Variants in CCDC158 observed in about 807,000 individuals in gnomAD.
CCDC158 encodes the protein coiled-coil domain containing 158.
A neutral mutation model predicts 138.6 loss-of-function variants in CCDC158; 116 were observed. The observed-to-expected ratio is 0.84, with a 90% CI of 0.72 to 0.98. The LOEUF is 0.98. CCDC158 is among the 50% of genes least tolerant of loss of function. CCDC158 has a pLI of 0.00. For synonymous variants in CCDC158, 436 were observed against 442.4 expected (o/e 0.99, Z 0.18); for missense variants, 1,265 against 1,306.1 (o/e 0.97, Z 0.48).
At chr4:76,315,003 G>T (rs1719237074) in intron 24 of CCDC158, among the ~76,000 whole-genome samples, 1 of 152,174 alleles carries the variant, frequency 6.6e-6, no homozygotes, top group Admixed American at 6.5e-5. Flanking sequence ...CAGTGGGGAA[G>T]TTTATAGCAC....
intron 24 of CCDC158, among the ~76,000 whole-genome samples, chr4:76,322,277 C>A (rs1340148046): frequency 2.6e-5 from 4 of 152,118 alleles, no homozygotes; most frequent in African/African-American, 9.7e-5. Context: ...TTTGCTAAAG[C>A]CTTACTATAT....
At chr4:76,396,127 G>A (rs1727756821) in intron 4 of CCDC158, 142 bp downstream of exon 4, 1 of 501,678 alleles carries the variant, frequency 2.0e-6, no homozygotes, top group Non-Finnish European at 3.4e-6. Flanking sequence ...AGAAGGCACA[G>A]GTCAAATTAA....
At chr4:76,378,879 A>C (rs1725962353) in intron 9 of CCDC158, among the ~76,000 whole-genome samples, 1 of 152,202 alleles carries the variant, frequency 6.6e-6, no homozygotes, top group African/African-American at 2.4e-5. Context: ...ATTAATCTTA[A>C]CATTAATTCA....
intron 8 of CCDC158, 122 bp from the exon 9 acceptor site, chr4:76,379,526 G>T: frequency 2.1e-6 from 1 of 477,594 alleles, no homozygotes; most frequent in Non-Finnish European, 3.6e-6. Context: ...TAAGCCAATA[G>T]TCTTTTATTT....
At chr4:76,320,228 C>T (rs1426214092) in intron 24 of CCDC158, among the ~76,000 whole-genome samples, 1 of 152,124 alleles carries the variant, frequency 6.6e-6, no homozygotes, top group Non-Finnish European at 1.5e-5. Flanking sequence ...GGGAATATAC[C>T]TAACCAAGGA....
At chr4:76,376,088 T>C (rs1341670884) in intron 9 of CCDC158, among the ~76,000 whole-genome samples, 5 of 151,760 alleles carry the variant, frequency 3.3e-5, no homozygotes, top group Non-Finnish European at 7.4e-5. Context: ...AGGGTCACCC[T>C]CTATTGCCCA....
intron 18 of CCDC158, chr4:76,345,395 G>A (rs926286400): frequency 1.0e-6 from 1 of 968,844 alleles, no homozygotes; most frequent in Non-Finnish European, 1.7e-6. Context: ...AATTGGCTGA[G>A]GCACACCAGC....
chr4:76,352,895 T>C, intron 16 of CCDC158: 2 of 403,320 alleles, frequency 5.0e-6, no homozygotes, highest in Non-Finnish European at 8.7e-6. Context: ...TGTGACTATG[T>C]TAGCCTGAAA....
chr4:76,323,489 C>A, intron 23 of CCDC158, 80 bp from the exon 24 acceptor site: 1 of 1,111,232 alleles, frequency 9.0e-7, no homozygotes, highest in Non-Finnish European at 1.3e-6. Flanking sequence ...AAAGGCTAAA[C>A]AATTTTTCTT....
Position 76,334,045 on chromosome 4 carries a change from A to G in CCDC158, c.2787T>C (p.Asp929=), listed in dbSNP as rs1721242386. ...PAVSLSKTEE[D]GRTSLGALYV... is the part of the protein sequence containing the mutation. ...ACAAGGCTCCCAGAGATGTTCTTCC[A>G]TCTTCCTCTGTCTTGCTCAGAGACA... The change falls in exon 19 of 25, where the codon GAT becomes GAC. Residue 929 remains aspartate (D), a synonymous_variant. Transcript: ENST00000682701. The G allele has an allele frequency of 1.2e-6, 2 of 1,613,244 alleles. No homozygotes were observed. Among genetic ancestry groups the G allele is most frequent in the Non-Finnish European group, 8.5e-7 (1 of 1,179,462 alleles).
chr4:76,394,552 C>T (rs545746604), intron 4 of CCDC158, among the ~76,000 whole-genome samples: 4 of 151,924 alleles, frequency 2.6e-5, no homozygotes, highest in African/African-American at 9.6e-5. Flanking sequence ...ACGAATAAGA[C>T]CTAGTATTTG....
intron 10 of CCDC158, 146 bp from the exon 11 acceptor site, chr4:76,369,769 C>A (rs1725063990): frequency 1.5e-6 from 1 of 679,180 alleles, no homozygotes; most frequent in Non-Finnish European, 2.4e-6. Context: ...GGCTTAAGAG[C>A]AATTATTTCC....
In CCDC158 at chr4:76,326,002, C is replaced by T. The variant is rs1178900167; in HGVS notation, c.3024G>A (p.Val1008=). The T allele has an allele frequency of 1.2e-6, 2 of 1,611,136 alleles. No individual in the cohort carries two copies. The highest frequency in any genetic ancestry group is 2.2e-5 in the South Asian group (2 of 90,306). ...TGAATGAACGAGAAGCTGAGTTTTT[C>T]ACAGATGGACTTGCTAAAAGTTTGC... ...FTFTSAASPS[V]KNSASRSFNS... Residue 1008 remains valine (V), a synonymous_variant, in exon 23 of 25, where the codon GTG becomes GTA. Coordinates refer to ENST00000682701, the MANE Select transcript of CCDC158 (RefSeq NM_001394954.1).
chr4:76,380,135 CTG>C (rs1726096869), intron 8 of CCDC158, among the ~76,000 whole-genome samples: 1 of 152,130 alleles, frequency 6.6e-6, no homozygotes, highest in Admixed American at 6.5e-5. Context: ...ATACAGAAAA[CTG>C]GTACCAGGAG....
intron 16 of CCDC158, chr4:76,352,393 G>A (rs931236410): frequency 2.0e-5 from 3 of 151,730 alleles, no homozygotes; most frequent in Admixed American, 1.3e-4. Flanking sequence ...GCGACAGAGC[G>A]AGACTCCGTC....
chr4:76,419,488 T>C (rs1729945903), intron 1 of CCDC158, among the ~76,000 whole-genome samples: 1 of 152,168 alleles, frequency 6.6e-6, no homozygotes, highest in African/African-American at 2.4e-5. Context: ...ATCAGTCTCA[T>C]GGGGAAGAAA....
chr4:76,406,467 T>C (rs1161026828), intron 2 of CCDC158, among the ~76,000 whole-genome samples: 1 of 152,166 alleles, frequency 6.6e-6, no homozygotes, highest in African/African-American at 2.4e-5. Flanking sequence ...ATCACTAAGG[T>C]AGACCTTTTG....
At chr4:76,398,228 A>G (rs922081465) in intron 3 of CCDC158, among the ~76,000 whole-genome samples, 4 of 152,268 alleles carry the variant, frequency 2.6e-5, no homozygotes, top group Admixed American at 2.0e-4. Flanking sequence ...TGCTAAAGCC[A>G]CTGGATGAAG....
chr4:76,398,209 T>G (rs1371769309), intron 3 of CCDC158, among the ~76,000 whole-genome samples: 1 of 152,208 alleles, frequency 6.6e-6, no homozygotes, highest in African/African-American at 2.4e-5. Flanking sequence ...GGCACAGATC[T>G]TTAGTTGATG....
Sources: gnomAD v4.1 joint callset for allele counts (sites outside exome capture counted in the v4.1 genomes callset) on GRCh38, gnomAD v4.1.1 for gene constraint, MANE v1.5 for transcripts, NCBI Gene and HGNC (gene_info 2026-07-23, HGNC 2026-07-21) for gene names.